Variants in VSTM4 observed in about 807,000 individuals in gnomAD.
VSTM4 encodes the protein V-set and transmembrane domain-containing protein 4.
Under a neutral mutation model 36.4 loss-of-function variants are expected in VSTM4, and 20 were observed. The observed-to-expected ratio is 0.55, with a 90% CI of 0.39 to 0.80. The LOEUF (loss-of-function observed/expected upper bound fraction) is 0.80. Ranked by LOEUF, VSTM4 falls within the 30% of genes least tolerant of loss-of-function variation. VSTM4 has a pLI of 0.00. For missense variants in VSTM4, 392 were observed against 404.5 expected (o/e 0.97, Z 0.26); for synonymous variants, 182 against 173.9 (o/e 1.05, Z -0.37).
chr10:49,073,205 A>G (rs1323415434), intron 4 of VSTM4, among the ~76,000 whole-genome samples: 2 of 152,206 alleles, frequency 1.3e-5, no homozygotes, highest in African/African-American at 4.8e-5. Flanking sequence ...CTACCTGCCA[A>G]TCTGCTTCTG....
intron 5 of VSTM4, among the ~76,000 whole-genome samples, chr10:49,054,396 GGGA>G (rs1157825791): frequency 6.6e-6 from 1 of 152,254 alleles, no homozygotes; most frequent in Admixed American, 6.5e-5. Flanking sequence ...CTGCCCCAAA[GGGA>G]GGAGGAGAGG....
At chr10:49,024,752 G>A (rs528985739) in intron 7 of VSTM4, among the ~76,000 whole-genome samples, 1 of 152,264 alleles carries the variant, frequency 6.6e-6, no homozygotes, top group South Asian at 2.1e-4. Context: ...AAAATAGCAC[G>A]CATATGTGCA....
At chr10:49,052,683 G>A (rs913883823) in intron 5 of VSTM4, among the ~76,000 whole-genome samples, 1 of 152,018 alleles carries the variant, frequency 6.6e-6, no homozygotes, top group Non-Finnish European at 1.5e-5. Flanking sequence ...CTCCCCAACT[G>A]CACCTTGCAC....
At chr10:49,105,660 A>G (rs1844767934) in intron 2 of VSTM4, among the ~76,000 whole-genome samples, 1 of 152,150 alleles carries the variant, frequency 6.6e-6, no homozygotes, top group Non-Finnish European at 1.5e-5. Flanking sequence ...CTGAAATGAG[A>G]TTCACGTTAA....
chr10:49,023,315 T>C (rs899916650), intron 7 of VSTM4, among the ~76,000 whole-genome samples: 3 of 152,248 alleles, frequency 2.0e-5, no homozygotes, highest in African/African-American at 7.2e-5. Context: ...ATGTGCCTAA[T>C]TACATTTCCC....
chr10:49,065,489 C>A (rs2131979151), intron 4 of VSTM4, among the ~76,000 whole-genome samples: 1 of 152,262 alleles, frequency 6.6e-6, no homozygotes, highest in East Asian at 1.9e-4. Context: ...GAACATTAGC[C>A]AATGTGTCAC....
intron 3 of VSTM4, among the ~76,000 whole-genome samples, chr10:49,085,356 A>G (rs1235208979): frequency 6.6e-6 from 1 of 152,244 alleles, no homozygotes; most frequent in African/African-American, 2.4e-5. Flanking sequence ...TCATGTTCTT[A>G]ACATTCCATG....
intron 7 of VSTM4, among the ~76,000 whole-genome samples, chr10:49,032,021 G>A (rs867915118): frequency 7.2e-5 from 11 of 151,978 alleles, no homozygotes; most frequent in East Asian, 1.9e-4. Context: ...CAACTGTGAC[G>A]TCCTCCCCAT....
chr10:49,019,698 G>A lies in VSTM4; in HGVS notation c.915C>T (p.Pro305=). The A allele has an allele frequency of 6.2e-7, 1 of 1,614,010 alleles. No individual in the cohort carries two copies. Among genetic ancestry groups the A allele is most frequent in the Non-Finnish European group, 8.5e-7 (1 of 1,179,966 alleles). The change falls in exon 8 of 8, where the codon CCC becomes CCT. Residue 305 remains proline (P), a synonymous_variant. Transcript: ENST00000332853. ...IKPHRAAKGA[P]TSTVYAQILF... is the part of the protein sequence containing the mutation. ...GGATCTGGGCGTAGACAGTGCTGGT[G>A]GGGGCGCCTTTGGCAGCCCGGTGGG...
intron 4 of VSTM4, among the ~76,000 whole-genome samples, chr10:49,075,933 GGTTTGT>G (rs1187651494): frequency 1.3e-5 from 2 of 152,158 alleles, no homozygotes; most frequent in Non-Finnish European, 2.9e-5. Context: ...GCTGCCTCCT[GGTTTGT>G]CAGGAGCTGA....
chr10:49,092,398 C>T (rs1390440955), intron 2 of VSTM4, among the ~76,000 whole-genome samples: 2 of 152,136 alleles, frequency 1.3e-5, no homozygotes, highest in East Asian at 3.9e-4. Flanking sequence ...AGAAACCAGG[C>T]CCTGGGCCTC....
chr10:49,083,588 C>A (rs550605647), intron 3 of VSTM4, among the ~76,000 whole-genome samples: 1 of 152,162 alleles, frequency 6.6e-6, no homozygotes, highest in Non-Finnish European at 1.5e-5. Context: ...AGCGAGAATG[C>A]CAGTTCTGCT....
In VSTM4 at chr10:49,094,841, C is replaced by T. The variant is rs201512322; in HGVS notation, c.458-8818G>A. On this transcript the variant is annotated intron_variant, in intron 2 of 7. Transcript: ENST00000332853. ...GACACAGAGACCTTCTCTGTTTCTG[C>T]TCTCAGGCACTGGCCTATTGCTTCC... 3.3e-5 allele frequency among the ~76,000 whole-genome samples: 5 copies of T among 152,278 alleles called. No individual in the cohort carries two copies. The East Asian group carries it at 9.7e-4, about 29-fold the overall frequency.
chr10:49,071,504 T>C (rs1178820991), intron 4 of VSTM4, among the ~76,000 whole-genome samples: 1 of 152,154 alleles, frequency 6.6e-6, no homozygotes, highest in African/African-American at 2.4e-5. Context: ...GCAAGCAACA[T>C]ATGTGTGCAA....
intron 2 of VSTM4, among the ~76,000 whole-genome samples, chr10:49,105,157 CAAAG>C (rs1166155334): frequency 8.6e-5 from 10 of 116,852 alleles, no homozygotes; most frequent in African/African-American, 3.3e-4. Flanking sequence ...GACCAAAAGA[CAAAG>C]AGAGAGACAG....
intron 2 of VSTM4, among the ~76,000 whole-genome samples, chr10:49,105,034 C>A (rs1590135673): frequency 2.0e-5 from 3 of 147,828 alleles, no homozygotes; most frequent in African/African-American, 7.6e-5. Flanking sequence ...GGGAGAGAGA[C>A]CAGAGAGACA....
chr10:49,107,689 T>C lies in VSTM4; in HGVS notation c.362A>G (p.Asp121Gly). 1.2e-6 allele frequency: 2 copies of C among 1,614,200 alleles called. No individual in the cohort carries two copies. Among genetic ancestry groups the C allele is most frequent in the Non-Finnish European group, 1.7e-6 (2 of 1,180,030 alleles). The change falls in exon 2 of 8, where the codon GAT becomes GGT. Residue 121 changes from aspartate (D) to glycine (G), a missense_variant. By Grantham distance (94) the Asp-to-Gly change is moderately conservative (BLOSUM62 -1). Coordinates refer to ENST00000332853, the MANE Select transcript of VSTM4 (RefSeq NM_001031746.5). ...RLSVLTLQPS[D>G]QGHYVCRVQE... ...GACTCTGCAGACGTAATGCCCTTGA[T>C]CGGAGGGCTGCAGTGTCAAGACGGA...
intron 1 of VSTM4, among the ~76,000 whole-genome samples, chr10:49,110,878 G>A (rs1844880745): frequency 6.6e-6 from 1 of 152,220 alleles, no homozygotes; most frequent in Non-Finnish European, 1.5e-5. Flanking sequence ...TGTTATGACA[G>A]CGTAAGCACA....
At chr10:49,064,514 G>A in intron 5 of VSTM4, 189 bp downstream of exon 5, 1 of 650,558 alleles carries the variant, frequency 1.5e-6, no homozygotes, top group Non-Finnish European at 2.6e-6. Context: ...TGGATCCCTG[G>A]GGGTGAAAAC....
Sources: allele counts gnomAD v4.1 joint callset (sites outside exome capture counted in the v4.1 genomes callset), GRCh38; gene constraint gnomAD v4.1.1; transcripts MANE v1.5; gene names NCBI Gene and HGNC (gene_info 2026-07-23, HGNC 2026-07-21).